The following GCN1 variants were observed in gnomAD, a reference collection of about 807,000 sequenced individuals.
GCN1 encodes the protein GCN1 activator of EIF2AK4, also known as stalled ribosome sensor GCN1.
A neutral mutation model predicts 288.4 loss-of-function variants in GCN1; 90 were observed. The observed-to-expected ratio is 0.31, with a 90% CI of 0.26 to 0.37. The LOEUF is 0.37. Ranked by LOEUF, GCN1 falls within the 10% of genes least tolerant of loss-of-function variation. The pLI is 1.00. For missense variants in GCN1, 2,586 were observed against 3,419.9 expected, an observed-to-expected ratio of 0.76 and a Z score of 6.08; for synonymous variants, 1,386 against 1,420.2, an observed-to-expected ratio of 0.98 and a Z score of 0.54.
At position 120,177,531 on chromosome 12, in the gene GCN1, A is replaced by G. The variant is rs367851522; in HGVS notation, c.754T>C (p.Tyr252His). The G allele has an allele frequency of 6.8e-6, 11 of 1,611,074 alleles. No individual in the cohort carries two copies. The highest frequency in any genetic ancestry group is 8.5e-6 in the Non-Finnish European group (10 of 1,177,346). The part of the protein sequence containing the change: ...LLDSCAPLLR[Y>H]LSHSEFKDLI... ...TCCTTAAATTCTGAGTGGGACAGGT[A>G]TCGGAGCAGAGGGGCACAGCTATCC... The change falls in exon 9 of 58, where the codon TAC (tyrosine) becomes CAC (histidine). Residue 252 changes from tyrosine to histidine, a missense_variant. Coordinates refer to ENST00000300648, the MANE Select transcript of GCN1 (RefSeq NM_006836.2).
Position 120,194,674 on chromosome 12 carries a change from C to T in GCN1, c.18+6G>A. 1 of 1,514,732 alleles carries T rather than the reference C, an allele frequency of 6.6e-7. No homozygotes were observed. The highest frequency in any genetic ancestry group is 1.8e-4 in the Middle Eastern group (1 of 5,610). 93.8% of individuals were successfully genotyped at this position (1,514,732 alleles called of 1,614,324 possible). On this transcript the variant is annotated splice_donor_region_variant and intron_variant, in intron 1 of 57. Transcript: ENST00000300648. ...GCCGCGTTGGCCCCGCAGCCGCCCGCCTCACCTGCGTGTCCGCCGCCATCC... is the reference window on the plus strand; with the variant it reads ...GCCGCGTTGGCCCCGCAGCCGCCCGTCTCACCTGCGTGTCCGCCGCCATCC...
In GCN1 at chr12:120,178,150, G is replaced by A. The variant is rs1878537711; in HGVS notation, c.661-398C>T. 2.6e-5 allele frequency among the ~76,000 whole-genome samples: 4 copies of A among 152,260 alleles called. No homozygotes were observed. In the South Asian group the frequency reaches 8.3e-4, roughly 32 times the overall value. ...ACTCTCAAAGTTCCTTCTTTAGAGT[G>A]ATGTGTTCTCTGACCCACAGCCTAA... On this transcript the variant is annotated intron_variant, in intron 7 of 57. Coordinates refer to ENST00000300648, the MANE Select transcript of GCN1 (RefSeq NM_006836.2).
At chr12:120,177,798 C>G in intron 7 of GCN1, 46 bp from the exon 8 acceptor site, 2 of 1,367,636 alleles carry the variant, frequency 1.5e-6, no homozygotes, top group Non-Finnish European at 1.0e-6. Flanking sequence ...TCTCAAGTAT[C>G]TCATCACTGG....
Position 120,147,286 on chromosome 12 carries a change from G to C in GCN1, c.4727-14C>G. 1.3e-6 allele frequency: 2 copies of C among 1,508,102 alleles called. No homozygotes were observed. The highest frequency in any genetic ancestry group is 1.8e-6 in the Non-Finnish European group (2 of 1,094,284). 93.4% of individuals were successfully genotyped at this position (1,508,102 alleles called of 1,614,324 possible). On this transcript the variant is annotated splice_polypyrimidine_tract_variant and intron_variant, in intron 37 of 57. Coordinates refer to ENST00000300648, the MANE Select transcript of GCN1 (RefSeq NM_006836.2). ...CTGGAGCAATGGCTGCACATCCAAA[G>C]AGAAGAGAGCTGGATGATATACATC...
intron 12 of GCN1, among the ~76,000 whole-genome samples, chr12:120,174,468 C>T (rs1878413428): frequency 6.6e-6 from 1 of 152,188 alleles, no homozygotes; most frequent in African/African-American, 2.4e-5. Context: ...GCAAAGAAGG[C>T]TTCGCCTTAC....
chr12:120,163,957 T>C (rs1339271338), intron 18 of GCN1, among the ~76,000 whole-genome samples: 2 of 152,006 alleles, frequency 1.3e-5, no homozygotes, highest in African/African-American at 2.4e-5. Flanking sequence ...ACCCCATCTC[T>C]ACAAAAAATC....
chr12:120,162,753 C>A, intron 20 of GCN1, 94 bp downstream of exon 20: 4 of 1,387,038 alleles, frequency 2.9e-6, no homozygotes, highest in Non-Finnish European at 4.0e-6. Context: ...TTTCATCCAT[C>A]TTCACCTGCT....
intron 46 of GCN1, 103 bp downstream of exon 46, chr12:120,138,592 G>T: frequency 8.2e-7 from 1 of 1,219,228 alleles, no homozygotes; most frequent in Non-Finnish European, 1.2e-6. Context: ...CCTCTGGAGG[G>T]CCCACATTGC....
rs964015382 is a variant in GCN1, at chr12:120,156,003, T to C, written c.3313-284A>G. 1.3e-5 allele frequency among the ~76,000 whole-genome samples: 2 copies of C among 152,228 alleles called. No individual in the cohort carries two copies. The highest frequency in any genetic ancestry group is 2.9e-5 in the Non-Finnish European group (2 of 68,048). On this transcript the variant is annotated intron_variant, in intron 28 of 57. Coordinates refer to ENST00000300648, the MANE Select transcript of GCN1 (RefSeq NM_006836.2). The surrounding 1 kb of genome is among the most constrained non-coding windows in gnomAD (Gnocchi z 5.8). ...AAAAATTTTAAGGAAAAATTTACTA[T>C]ATTGTCATCATTTTCACATTTTACC...
At chr12:120,194,648 G>A (rs1879114052) in intron 1 of GCN1, 32 bp downstream of exon 1, 18 of 1,512,932 alleles carry the variant, frequency 1.2e-5, no homozygotes, top group Non-Finnish European at 1.6e-5. Context: ...CCCAGTCCCT[G>A]GCCGCGTTGG....
At chr12:120,192,213 T>A (rs548797732) in intron 1 of GCN1, among the ~76,000 whole-genome samples, 1 of 152,328 alleles carries the variant, frequency 6.6e-6, no homozygotes, top group South Asian at 2.1e-4. Context: ...AGATCAGGTA[T>A]TCCATCAAAT....
At chr12:120,132,107 G>T in intron 53 of GCN1, 85 bp from the exon 54 acceptor site, 1 of 846,296 alleles carries the variant, frequency 1.2e-6, no homozygotes, top group Non-Finnish European at 2.0e-6. Context: ...TAGAGCCCAG[G>T]ATGGACAGCA....
rs936364240 is a variant in GCN1, at chr12:120,144,078, G to A, written c.5495+228C>T. The stretch of plus-strand genomic sequence containing the variant: ...TGCAACCTCTACCTCTGGGGCTCAA[G>A]TGATCCTTCCGCCTCAGCCTCCTGT... On this transcript the variant is annotated intron_variant, in intron 42 of 57. Coordinates refer to ENST00000300648, the MANE Select transcript of GCN1 (RefSeq NM_006836.2). The surrounding 1 kb of genome is among the most constrained non-coding windows in gnomAD (Gnocchi z 4.7). Among the ~76,000 whole-genome samples, 2 of 152,196 alleles carry A rather than the reference G, an allele frequency of 1.3e-5. No individual in the cohort carries two copies. The highest frequency in any genetic ancestry group is 2.9e-5 in the Non-Finnish European group (2 of 68,038).
At chr12:120,164,604 C>T (rs1878041686) in intron 17 of GCN1, 42 bp downstream of exon 17, 1 of 1,597,924 alleles carries the variant, frequency 6.3e-7, no homozygotes, top group Admixed American at 1.7e-5. Flanking sequence ...CCAGCCTTTG[C>T]CTCATTTGGC....
chr12:120,131,132 T>G, intron 55 of GCN1, 53 bp downstream of exon 55: 1 of 1,558,070 alleles, frequency 6.4e-7, no homozygotes, highest in Non-Finnish European at 8.8e-7. Context: ...GTCCACAAGG[T>G]GCTGCCTATG....
intron 38 of GCN1, among the ~76,000 whole-genome samples, chr12:120,145,715 T>C (rs573586434): frequency 6.6e-6 from 1 of 152,354 alleles, no homozygotes; most frequent in African/African-American, 2.4e-5. Context: ...TCTCAAAATG[T>C]TTATGTCTTT....
chr12:120,130,378 G>C (rs1876775537), intron 56 of GCN1, among the ~76,000 whole-genome samples: 1 of 152,210 alleles, frequency 6.6e-6, no homozygotes, highest in African/African-American at 2.4e-5. Flanking sequence ...ACGGTGCCTA[G>C]AAAGAATGCC....
intron 57 of GCN1, among the ~76,000 whole-genome samples, chr12:120,128,837 C>CTTTTTTTTTTTTTTTTTTTTTTTTTTTT (rs35329199): frequency 1.0e-5 from 1 of 98,414 alleles, no homozygotes. Flanking sequence ...TCACCCAAAT[C>CTTTTTTTTTTTTTTTTTTTTTTTTTTTT]TTTTTTTTTT....
chr12:120,128,899 T>C (rs1393104233), intron 57 of GCN1, among the ~76,000 whole-genome samples: 1 of 140,800 alleles, frequency 7.1e-6, no homozygotes, highest in African/African-American at 2.8e-5. Context: ...TGGAGTGCAG[T>C]GGCATGATCT....
Sources: allele counts gnomAD v4.1 joint callset (sites outside exome capture counted in the v4.1 genomes callset), GRCh38; gene constraint gnomAD v4.1.1; non-coding constraint Gnocchi (gnomAD v3.1); transcripts MANE v1.5; gene names NCBI Gene and HGNC (gene_info 2026-07-23, HGNC 2026-07-21).